ANO4: variants seen among roughly 807,000 people sequenced by gnomAD.
ANO4 encodes anoctamin-4.
A neutral mutation model predicts 141.9 loss-of-function variants in ANO4; 69 were observed. The observed-to-expected ratio is 0.49, with a 90% CI of 0.40 to 0.59. The LOEUF is 0.59. Among genes scored for constraint, ANO4 ranks in the 20% least tolerant of loss-of-function variants. The probability of loss-of-function intolerance (pLI) is 0.00; values close to 1 mark genes in which losing one functional copy is unlikely to be tolerated. For synonymous variants in ANO4, 350 were observed against 394.3 expected, an observed-to-expected ratio of 0.89 and a Z score of 1.33; for missense variants, 894 against 1,162.2, an observed-to-expected ratio of 0.77 and a Z score of 3.36.
chr12:100,879,666 A>G (rs1316533341), intron 1 of ANO4, among the ~76,000 whole-genome samples: 1 of 152,218 alleles, frequency 6.6e-6, no homozygotes, highest in Non-Finnish European at 1.5e-5. Context: ...TATTCCTAGC[A>G]TCAGGCAAAA....
At chr12:100,768,035 C>T (rs1283245312) in intron 3 of ANO4, among the ~76,000 whole-genome samples, 1 of 152,088 alleles carries the variant, frequency 6.6e-6, no homozygotes, top group Non-Finnish European at 1.5e-5. Flanking sequence ...GTCCCTTGGG[C>T]CATGGGGGCT....
intron 1 of ANO4, among the ~76,000 whole-genome samples, chr12:100,733,428 A>T (rs2031469373): frequency 6.6e-6 from 1 of 151,776 alleles, no homozygotes; most frequent in African/African-American, 2.4e-5. Context: ...CTTACCTGAT[A>T]CTCTTTAGTC....
At chr12:101,030,717 A>G (rs2136550844) in intron 9 of ANO4, among the ~76,000 whole-genome samples, 1 of 152,244 alleles carries the variant, frequency 6.6e-6, no homozygotes, top group African/African-American at 2.4e-5. Context: ...CACTAGCTAG[A>G]CTAATAAAGA....
intron 2 of ANO4, among the ~76,000 whole-genome samples, chr12:100,736,104 G>A (rs1463788295): frequency 6.6e-6 from 1 of 152,172 alleles, no homozygotes; most frequent in African/African-American, 2.4e-5. Context: ...GAAAATTAAA[G>A]TCTGCCTTGG....
At position 100,959,225 on chromosome 12, in the gene ANO4, A is replaced by G. The variant is rs534718275; in HGVS notation, c.457-12081A>G. Among the ~76,000 whole-genome samples, 5 of 152,014 alleles carry G rather than the reference A, an allele frequency of 3.3e-5. No individual in the cohort carries two copies. The East Asian group carries it at 9.7e-4, about 29-fold the overall frequency. On this transcript the variant is annotated intron_variant, in intron 5 of 27. Transcript: ENST00000392977. ...CCCACCCTCAACCTTCCCTCCCACC[A>G]CCACTCTGTGTGTGCTGTCGCGGGA...
intron 5 of ANO4, among the ~76,000 whole-genome samples, chr12:100,955,307 A>AC (rs564729175): frequency 8.6e-5 from 13 of 151,932 alleles, no homozygotes; most frequent in East Asian, 3.9e-4. Flanking sequence ...TGTCTGGAGG[A>AC]CCCCCCTTTT....
At chr12:101,042,572 C>G in intron 12 of ANO4, 104 bp downstream of exon 12, 1 of 1,452,698 alleles carries the variant, frequency 6.9e-7, no homozygotes, top group Non-Finnish European at 9.4e-7. Context: ...GCTTTTCACT[C>G]AAACTTCCTA....
intron 22 of ANO4, among the ~76,000 whole-genome samples, chr12:101,104,627 GTATATATATATATATATATATA>G (rs1167784816): frequency 9.7e-5 from 6 of 62,058 alleles, no homozygotes; most frequent in Middle Eastern, 0.01. Flanking sequence ...ATGTATGTGT[GTATATATATATATATATATATA>G]TATATATATA....
chr12:100,783,503 C>T (rs2135586796), intron 3 of ANO4, among the ~76,000 whole-genome samples: 1 of 152,286 alleles, frequency 6.6e-6, no homozygotes, highest in East Asian at 1.9e-4. Flanking sequence ...GTCAAGATCA[C>T]TTCCTGAAGC....
intron 1 of ANO4, among the ~76,000 whole-genome samples, chr12:100,730,493 A>G (rs1176701845): frequency 6.6e-6 from 1 of 152,204 alleles, no homozygotes; most frequent in East Asian, 1.9e-4. Flanking sequence ...ACCTCTCTGA[A>G]ATTAATAGGA....
intron 2 of ANO4, among the ~76,000 whole-genome samples, chr12:100,910,535 G>C (rs1313341462): frequency 6.6e-6 from 1 of 151,894 alleles, no homozygotes; most frequent in African/African-American, 2.4e-5. Flanking sequence ...CTTCCTTTAT[G>C]GACCAAAAAT....
intron 13 of ANO4, among the ~76,000 whole-genome samples, chr12:101,044,411 T>G (rs2047541476): frequency 6.6e-6 from 1 of 152,248 alleles, no homozygotes; most frequent in Non-Finnish European, 1.5e-5. Context: ...GACATATTCC[T>G]CACATTCCTA....
chr12:100,912,193 C>T (rs1213661785), intron 2 of ANO4, among the ~76,000 whole-genome samples: 1 of 151,770 alleles, frequency 6.6e-6, no homozygotes, highest in Non-Finnish European at 1.5e-5. Flanking sequence ...GTCAGGAGTT[C>T]GAGACCAGCC....
chr12:100,737,822 G>T (rs868822642), intron 2 of ANO4, among the ~76,000 whole-genome samples: 11 of 152,262 alleles, frequency 7.2e-5, no homozygotes, highest in Middle Eastern at 3.4e-3. Flanking sequence ...TTGTACTTCA[G>T]TCCTTCTCTT....
At chr12:101,084,149 T>C (rs1057329527) in intron 16 of ANO4, among the ~76,000 whole-genome samples, 1 of 152,222 alleles carries the variant, frequency 6.6e-6, no homozygotes. Flanking sequence ...GGATGTACAG[T>C]AGTGTTTTTC....
chr12:100,778,002 C>T (rs1202432191), intron 3 of ANO4, among the ~76,000 whole-genome samples: 1 of 151,222 alleles, frequency 6.6e-6, no homozygotes, highest in African/African-American at 2.4e-5. Flanking sequence ...TCACTGCAAG[C>T]TCCGCCTCCC....
intron 14 of ANO4, among the ~76,000 whole-genome samples, chr12:101,052,869 T>G (rs1021032867): frequency 6.6e-6 from 1 of 152,182 alleles, no homozygotes; most frequent in African/African-American, 2.4e-5. Context: ...TAACCTCATT[T>G]TATAGATGAG....
At chr12:101,045,595 T>C (rs1470619461) in intron 13 of ANO4, among the ~76,000 whole-genome samples, 1 of 152,202 alleles carries the variant, frequency 6.6e-6, no homozygotes, top group Non-Finnish European at 1.5e-5. Flanking sequence ...GCTGTTCTGC[T>C]GATAGGGATG....
At chr12:100,854,480 T>C (rs2038057457) in intron 1 of ANO4, among the ~76,000 whole-genome samples, 1 of 152,168 alleles carries the variant, frequency 6.6e-6, no homozygotes, top group African/African-American at 2.4e-5. Context: ...ATTTTTAGAA[T>C]TTATGTATAC....
Sources: allele counts gnomAD v4.1 joint callset (sites outside exome capture counted in the v4.1 genomes callset), GRCh38; gene constraint gnomAD v4.1.1; transcripts MANE v1.5; gene names NCBI Gene and HGNC (gene_info 2026-07-23, HGNC 2026-07-21).